Variants in RFC1 observed in about 807,000 individuals in gnomAD.
RFC1 encodes the protein A1 140 kDa subunit.
Under a neutral mutation model 137.4 loss-of-function variants are expected in RFC1, and 37 were observed. That is an observed-to-expected ratio of 0.27 (90% CI 0.21 to 0.35). The LOEUF is 0.35. Ranked by LOEUF, RFC1 falls within the 10% of genes least tolerant of loss-of-function variation. RFC1 has a pLI of 1.00. For missense variants in RFC1, 1,205 were observed against 1,358.5 expected (o/e 0.89, Z 1.78); for synonymous variants, 429 against 455.7 (o/e 0.94, Z 0.75).
intron 2 of RFC1, among the ~76,000 whole-genome samples, chr4:39,346,215 G>A (rs1477641921): frequency 1.3e-5 from 2 of 152,152 alleles, no homozygotes; most frequent in African/African-American, 2.4e-5. Context: ...AGTGGCTCAC[G>A]CCTGTAATCC....
chr4:39,314,873 T>A (rs75564539), intron 10 of RFC1, among the ~76,000 whole-genome samples: 59 of 152,228 alleles, frequency 3.9e-4, no homozygotes, highest in African/African-American at 1.3e-3. Flanking sequence ...CTACAATTGA[T>A]TCTCCTTCTC....
chr4:39,302,233 T>A lies in RFC1; in HGVS notation c.2535+45A>T, dbSNP rs1738395387. The A allele has an allele frequency of 2.6e-6, 3 of 1,164,898 alleles. No homozygotes were observed. The African/African-American group carries it at 4.5e-5, about 18-fold the overall frequency. 72.2% of individuals were successfully genotyped at this position (1,164,898 alleles called of 1,614,324 possible). A position where few individuals can be genotyped will look rare whatever the true frequency, so the allele number is the denominator to read the frequency against. On this transcript the variant is annotated intron_variant, in intron 19 of 24. Transcript: ENST00000349703. ...ATCAAGCTACCTACAGAACAAGAAG[T>A]GTTTTGGCTTAGGAAAGTAACTAAG...
chr4:39,323,253 A>G, intron 7 of RFC1, 87 bp downstream of exon 7: 1 of 860,976 alleles, frequency 1.2e-6, no homozygotes, highest in Non-Finnish European at 1.7e-6. Flanking sequence ...AAAGTTATTC[A>G]TGTTTTGGCT....
At chr4:39,349,005 T>A (rs888881878) in intron 2 of RFC1, among the ~76,000 whole-genome samples, 4 of 152,252 alleles carry the variant, frequency 2.6e-5, no homozygotes, top group Non-Finnish European at 4.4e-5. Flanking sequence ...CTATCCTATA[T>A]GTCTGTTCTA....
At position 39,329,450 on chromosome 4, in the gene RFC1, C is replaced by T. The variant is rs114366981; in HGVS notation, c.332-1694G>A. ...ACTAAAATTACAAAACTTAGCCGGG[C>T]GTAGCGGTGCGCGCCTGTAGTCCCA... On this transcript the variant is annotated intron_variant, in intron 4 of 24. Transcript: ENST00000349703. Among the ~76,000 whole-genome samples the T allele has an allele frequency of 1.7e-3, 256 of 151,692 alleles. 1 individual carries two copies. Among genetic ancestry groups the T allele is most frequent in the African/African-American group, 6.0e-3 (247 of 41,350 alleles).
At position 39,327,564 on chromosome 4, in the gene RFC1, T is replaced by C. The variant is rs886459529; in HGVS notation, c.524A>G (p.Gln175Arg). ...TGCCACCATCTTCTTATTAGATCTTTGGACACTTCCAGTTCCAAAATAATC... is the reference window on the plus strand; with the variant it reads ...TGCCACCATCTTCTTATTAGATCTTCGGACACTTCCAGTTCCAAAATAATC... ...VLDYFGTGSV[Q>R]RSNKKMVASK... Residue 175 changes from glutamine (Q) to arginine (R), a missense_variant, in exon 5 of 25, where the codon CAA becomes CGA. This residue lies in a region of RFC1 where 962 missense variants were observed against 1,035.3 expected (regional missense o/e 0.93). Transcript: ENST00000349703. The C allele has an allele frequency of 6.2e-7, 1 of 1,613,320 alleles. No homozygotes were observed. The highest frequency in any genetic ancestry group is 8.5e-7 in the Non-Finnish European group (1 of 1,179,788).
chr4:39,360,562 A>G (rs1741707680), intron 1 of RFC1, among the ~76,000 whole-genome samples: 1 of 151,244 alleles, frequency 6.6e-6, no homozygotes, highest in African/African-American at 2.4e-5. Flanking sequence ...AATAAATACA[A>G]TAAAATAAAA....
chr4:39,292,952 G>A (rs757962275), intron 22 of RFC1, among the ~76,000 whole-genome samples: 13 of 151,880 alleles, frequency 8.6e-5, no homozygotes, highest in Admixed American at 1.3e-4. Flanking sequence ...GCCTGTATAC[G>A]TAAAACTTCA....
At chr4:39,301,875 A>G (rs182434043) in intron 19 of RFC1, among the ~76,000 whole-genome samples, 140 of 152,246 alleles carry the variant, frequency 9.2e-4, no homozygotes, top group Non-Finnish European at 1.6e-3. Flanking sequence ...CTGATTAGCA[A>G]CTAGGTAAAA....
At chr4:39,363,520 A>G (rs1460684913) in intron 1 of RFC1, among the ~76,000 whole-genome samples, 1 of 152,128 alleles carries the variant, frequency 6.6e-6, no homozygotes, top group Non-Finnish European at 1.5e-5. Context: ...TTCTTTATTG[A>G]TAACTTTTAA....
At position 39,302,894 on chromosome 4, in the gene RFC1, C is replaced by G; in HGVS notation, c.2203-20G>C. 1 of 1,566,892 alleles carries G rather than the reference C, an allele frequency of 6.4e-7. No individual in the cohort carries two copies. The highest frequency in any genetic ancestry group is 8.6e-7 in the Non-Finnish European group (1 of 1,157,318). On this transcript the variant is annotated intron_variant, in intron 16 of 24. Transcript: ENST00000349703. ...TAATTCCTGAAAGGCAAGTTTGCAA[C>G]ACAAAAATAATTATTTTAAAAATGA... is the stretch of plus-strand genomic sequence containing the variant.
intron 1 of RFC1, among the ~76,000 whole-genome samples, chr4:39,357,834 G>C (rs1741558194): frequency 6.6e-6 from 1 of 151,820 alleles, no homozygotes; most frequent in Admixed American, 6.6e-5. Context: ...GGCCAGGCTG[G>C]TCTCAAACTC....
chr4:39,365,323 C>G (rs974679613), intron 1 of RFC1: 5 of 353,798 alleles, frequency 1.4e-5, no homozygotes, highest in Non-Finnish European at 2.0e-5. Context: ...CCGCCCCCCC[C>G]CAGAATGTTG....
At chr4:39,306,349 T>TGCCTC (rs1157662941) in intron 14 of RFC1, among the ~76,000 whole-genome samples, 1 of 152,216 alleles carries the variant, frequency 6.6e-6, no homozygotes, top group Non-Finnish European at 1.5e-5. Flanking sequence ...CTTAGTACAC[T>TGCCTC]GCCTCGCTCG....
rs1737582663 is a variant in RFC1 at position 39,290,029 on chromosome 4, G to T, written c.3179C>A (p.Ala1060Asp). 8 of 1,611,274 alleles carry T rather than the reference G, an allele frequency of 5.0e-6. No individual in the cohort carries two copies. The highest frequency in any genetic ancestry group is 6.8e-6 in the Non-Finnish European group (8 of 1,178,392). The part of the protein sequence containing the change: ...FSKLDPKVKA[A>D]FTRAYNKEAH... ...TTCCTTATTGTAAGCTCTTGTGAAG[G>T]CTGCTTTCACCTATATGAAAGGAGT... Residue 1060 changes from alanine to aspartate, a missense_variant, in exon 24 of 25, where the codon GCC becomes GAC. Coordinates refer to ENST00000349703, the MANE Select transcript of RFC1 (RefSeq NM_002913.5).
intron 3 of RFC1, among the ~76,000 whole-genome samples, chr4:39,342,844 A>G (rs1364931626): frequency 6.6e-6 from 1 of 152,212 alleles, no homozygotes; most frequent in African/African-American, 2.4e-5. Context: ...GGATGCCAGC[A>G]TTCTTGGCTC....
Position 39,303,142 on chromosome 4 carries a change from G to A in RFC1, c.2120C>T (p.Ala707Val). The A allele has an allele frequency of 1.2e-6, 2 of 1,613,178 alleles. No homozygotes were observed. Among genetic ancestry groups the A allele is most frequent in the Non-Finnish European group, 1.7e-6 (2 of 1,179,356 alleles). ...SIKGFYSNGA[A>V]SSVSTKHALI... ...AGCATGTTTCGTGCTTACTGAAGAG[G>A]CTGCTCCATCTGACCCAGGTTGAGG... is the stretch of plus-strand genomic sequence containing the variant. The change falls in exon 16 of 25, where the codon GCC (alanine) becomes GTC (valine). Residue 707 changes from alanine (A) to valine (V), a missense_variant. This residue lies in a region of RFC1 where 962 missense variants were observed against 1,035.3 expected (regional missense o/e 0.93). Transcript: ENST00000349703.
intron 4 of RFC1, among the ~76,000 whole-genome samples, chr4:39,336,033 C>T (rs1293755678): frequency 6.6e-6 from 1 of 152,156 alleles, no homozygotes; most frequent in African/African-American, 2.4e-5. Context: ...AAAGATGCTT[C>T]GGAACCTCAG....
chr4:39,303,298 G>GAA (rs756287750), intron 15 of RFC1, 147 bp from the exon 16 acceptor site: 987 of 404,302 alleles, frequency 2.4e-3, no homozygotes, highest in South Asian at 4.4e-3. Context: ...TGTTGTTAAA[G>GAA]AAAAAAAAAA....
Sources: allele counts gnomAD v4.1 joint callset (sites outside exome capture counted in the v4.1 genomes callset), GRCh38; gene constraint gnomAD v4.1.1; regional missense constraint gnomAD v4.1.1; transcripts MANE v1.5; gene names NCBI Gene and HGNC (gene_info 2026-07-23, HGNC 2026-07-21).